Variants in VASH1 observed in about 807,000 individuals in gnomAD.
The protein encoded by VASH1 is tubulinyl-Tyr carboxypeptidase 1.
Under a neutral mutation model 35.0 loss-of-function variants are expected in VASH1, and 16 were observed. The ratio of observed to expected loss-of-function variants is 0.46; its 90% CI spans 0.31 to 0.70. The LOEUF is 0.70. VASH1 is among the 30% of genes least tolerant of loss of function. The pLI, the probability that VASH1 is intolerant of heterozygous loss-of-function variation, is 0.05. For synonymous variants in VASH1, 214 were observed against 200.9 expected (o/e 1.07, Z -0.55); for missense variants, 505 against 510.7 (o/e 0.99, Z 0.11).
At chr14:76,763,276 A>G (rs1212868485) in intron 1 of VASH1, 146 bp downstream of exon 1, 3 of 861,552 alleles carry the variant, frequency 3.5e-6, no homozygotes, top group South Asian at 4.7e-5. Context: ...ATACCTGTCT[A>G]GGAGAACTTT....
chr14:76,767,431 C>T (rs949763148), intron 1 of VASH1, among the ~76,000 whole-genome samples: 3 of 151,946 alleles, frequency 2.0e-5, no homozygotes, highest in Non-Finnish European at 4.4e-5. Context: ...TCATTGTGTT[C>T]GATTGAAATA....
chr14:76,768,441 C>G (rs1020002252), intron 1 of VASH1, among the ~76,000 whole-genome samples: 3 of 152,148 alleles, frequency 2.0e-5, no homozygotes, highest in Non-Finnish European at 2.9e-5. Context: ...AAGGAGAAGA[C>G]CGACGGGAGG....
intron 1 of VASH1, among the ~76,000 whole-genome samples, chr14:76,768,655 A>T (rs973047032): frequency 5.3e-5 from 8 of 152,108 alleles, no homozygotes; most frequent in African/African-American, 1.7e-4. Flanking sequence ...CACATTATTT[A>T]AAAAGCTGGG....
chr14:76,770,793 CT>C (rs1197202641), intron 2 of VASH1, among the ~76,000 whole-genome samples: 16 of 152,190 alleles, frequency 1.1e-4, no homozygotes, highest in African/African-American at 3.9e-4. Flanking sequence ...AGTGGGGAAA[CT>C]GGTCCAGTGA....
At chr14:76,764,339 T>A (rs1357259028) in intron 1 of VASH1, among the ~76,000 whole-genome samples, 1 of 152,252 alleles carries the variant, frequency 6.6e-6, no homozygotes, top group Non-Finnish European at 1.5e-5. Context: ...ATAAATGTGC[T>A]CTGCACTGAC....
At chr14:76,767,184 T>C (rs1487517772) in intron 1 of VASH1, among the ~76,000 whole-genome samples, 1 of 151,762 alleles carries the variant, frequency 6.6e-6, no homozygotes, top group African/African-American at 2.4e-5. Context: ...GATGAGGTTT[T>C]CAGTGAGCCG....
chr14:76,776,613 C>T (rs886569410), intron 5 of VASH1, among the ~76,000 whole-genome samples: 23 of 152,110 alleles, frequency 1.5e-4, no homozygotes, highest in African/African-American at 4.6e-4. Flanking sequence ...CCCCCCAACC[C>T]TAGCAACCAT....
In VASH1 at chr14:76,782,077, T is replaced by C. The variant is rs1285884088; in HGVS notation, c.*3059T>C. The C allele has an allele frequency of 2.6e-5, 4 of 152,126 alleles. No individual in the cohort carries two copies. Among genetic ancestry groups the C allele is most frequent in the Non-Finnish European group, 4.4e-5 (3 of 68,042 alleles). 9.4% of individuals were successfully genotyped at this position (152,126 alleles called of 1,614,324 possible). A position where few individuals can be genotyped will look rare whatever the true frequency, so the allele number is the denominator to read the frequency against. On this transcript the variant is annotated 3_prime_UTR_variant, in exon 7 of 7. Coordinates refer to ENST00000167106, the MANE Select transcript of VASH1 (RefSeq NM_014909.5). ...AAAATGGACCAGGTTGGGGGGGTGA[T>C]TGCAAAGTCTCCCCAAAGCCTGGCT...
chr14:76,773,007 G>C, intron 3 of VASH1, 130 bp from the exon 4 acceptor site: 4 of 804,162 alleles, frequency 5.0e-6, no homozygotes, highest in South Asian at 1.9e-5. Flanking sequence ...TGCTGGGCCT[G>C]AGCTGAGAGC....
chr14:76,763,201 C>T, intron 1 of VASH1, 71 bp downstream of exon 1: 3 of 1,324,380 alleles, frequency 2.3e-6, no homozygotes, highest in Middle Eastern at 2.3e-4. Flanking sequence ...AGAGTGAAGC[C>T]ACACTCTCCT....
At chr14:76,775,462 G>A (rs556572939) in intron 4 of VASH1, among the ~76,000 whole-genome samples, 102 of 152,272 alleles carry the variant, frequency 6.7e-4, no homozygotes, top group Middle Eastern at 3.4e-3. Flanking sequence ...TGGATATGGG[G>A]AGAGGACAGG....
At chr14:76,776,966 G>C (rs956554197) in intron 5 of VASH1, among the ~76,000 whole-genome samples, 2 of 151,976 alleles carry the variant, frequency 1.3e-5, no homozygotes, top group Non-Finnish European at 2.9e-5. Flanking sequence ...TGCTTCTCTT[G>C]ACAGCCCTGG....
rs1893508748 is a variant in VASH1 at position 76,761,682 on chromosome 14, G to A, written c.-1140G>A. Among the ~76,000 whole-genome samples, 1 of 151,866 alleles carries A rather than the reference G, an allele frequency of 6.6e-6. No individual in the cohort carries two copies. The highest frequency in any genetic ancestry group is 2.1e-4 in the South Asian group (1 of 4,834). ...CGCCCGGCTTCGTCACTCGCCTCCA[G>A]CTACATCCGCCGGCCGAGGCTGCGC... On this transcript the variant is annotated 5_prime_UTR_variant, in exon 1 of 7. Coordinates refer to ENST00000167106, the MANE Select transcript of VASH1 (RefSeq NM_014909.5).
chr14:76,767,823 C>T (rs1229565635), intron 1 of VASH1, among the ~76,000 whole-genome samples: 1 of 152,200 alleles, frequency 6.6e-6, no homozygotes, highest in Admixed American at 6.5e-5. Context: ...AAGGTCTTGC[C>T]TCTGAATCCC....
rs759925258 is a variant in VASH1 at position 76,762,898 on chromosome 14, C to T, written c.77C>T (p.Ser26Phe). 1.9e-6 allele frequency: 3 copies of T among 1,571,472 alleles called. No homozygotes were observed. Among genetic ancestry groups the T allele is most frequent in the African/African-American group, 2.7e-5 (2 of 74,042 alleles). Residue 26 changes from serine to phenylalanine, a missense_variant, in exon 1 of 7, where the codon TCT (serine) becomes TTT (phenylalanine). Transcript: ENST00000167106. ...TPTSAAATAPSGVRRLETSEG... is the reference protein window; with the variant it reads ...TPTSAAATAPFGVRRLETSEG... ...ACGTCCGCTGCGGCCACCGCCCCCT[C>T]TGGGGTCAGGCGTTTGGAGACCAGC...
At chr14:76,770,223 C>T (rs1041384060) in intron 2 of VASH1, among the ~76,000 whole-genome samples, 172 bp downstream of exon 2, 1 of 152,154 alleles carries the variant, frequency 6.6e-6, no homozygotes, top group Non-Finnish European at 1.5e-5. Context: ...GCGTGTGCCT[C>T]CTGGGTGTCG....
chr14:76,770,281 A>G (rs1595271604), intron 2 of VASH1, among the ~76,000 whole-genome samples: 3 of 151,844 alleles, frequency 2.0e-5, no homozygotes, highest in Non-Finnish European at 2.9e-5. Flanking sequence ...ACTCTCTGCC[A>G]CCCCCTTCCC....
At chr14:76,770,195 G>A in intron 2 of VASH1, 144 bp downstream of exon 2, 1 of 769,214 alleles carries the variant, frequency 1.3e-6, no homozygotes, top group Non-Finnish European at 2.1e-6. Context: ...TGTGCTCCCT[G>A]GTGCTGTGGG....
intron 1 of VASH1, chr14:76,769,620 A>G (rs766040499): frequency 9.3e-6 from 5 of 535,578 alleles, no homozygotes; most frequent in Non-Finnish European, 1.2e-5. Context: ...CCCCAATATT[A>G]TATTCTTAAG....
Sources: allele counts gnomAD v4.1 joint callset (sites outside exome capture counted in the v4.1 genomes callset), GRCh38; gene constraint gnomAD v4.1.1; transcripts MANE v1.5; gene names NCBI Gene and HGNC (gene_info 2026-07-23, HGNC 2026-07-21).